Variants in RIT2 observed in about 807,000 individuals in gnomAD.
RIT2 encodes Ras like without CAAX 2.
In RIT2, 24 loss-of-function variants were observed where a neutral mutation model predicts 23.7. The observed-to-expected ratio is 1.01, with a 90% CI of 0.73 to 1.43. The LOEUF (loss-of-function observed/expected upper bound fraction) is 1.43. RIT2 is among the 40% of genes most tolerant of loss of function. The pLI is 0.00. For missense variants in RIT2, 236 were observed against 266.9 expected, an observed-to-expected ratio of 0.88 and a Z score of 0.81; for synonymous variants, 107 against 91.1, an observed-to-expected ratio of 1.17 and a Z score of -0.99.
chr18:43,094,492 T>C (rs534254282), intron 1 of RIT2, among the ~76,000 whole-genome samples: 29 of 152,082 alleles, frequency 1.9e-4, no homozygotes, highest in Admixed American at 2.6e-4. Flanking sequence ...AAAAAGACTT[T>C]CAAGGAAACA....
intron 3 of RIT2, among the ~76,000 whole-genome samples, chr18:42,950,491 T>C (rs1366796331): frequency 6.6e-6 from 1 of 152,018 alleles, no homozygotes; most frequent in Non-Finnish European, 1.5e-5. Context: ...TGGGAAAGAA[T>C]TTATGACTAA....
chr18:43,072,310 G>A (rs962970671), intron 1 of RIT2, among the ~76,000 whole-genome samples: 31 of 151,988 alleles, frequency 2.0e-4, no homozygotes, highest in African/African-American at 7.5e-4. Context: ...TTTTATTCCT[G>A]AGCAGTTCAC....
chr18:42,843,537 C>A (rs1313366059), intron 4 of RIT2, among the ~76,000 whole-genome samples: 1 of 152,158 alleles, frequency 6.6e-6, no homozygotes, highest in African/African-American at 2.4e-5. Context: ...ACACATAGAG[C>A]CACAAAAGGT....
At chr18:43,103,158 C>T (rs940337109) in intron 1 of RIT2, among the ~76,000 whole-genome samples, 2 of 152,230 alleles carry the variant, frequency 1.3e-5, no homozygotes, top group South Asian at 2.1e-4. Context: ...ACTTACATAC[C>T]TGCCACTTCT....
intron 1 of RIT2, among the ~76,000 whole-genome samples, chr18:43,109,525 TC>T (rs1913904614): frequency 6.6e-6 from 1 of 152,202 alleles, no homozygotes. Flanking sequence ...CCCATACTTT[TC>T]TTCTTCAGCA....
chr18:42,886,110 T>C (rs1366235080), intron 4 of RIT2, among the ~76,000 whole-genome samples: 2 of 152,236 alleles, frequency 1.3e-5, no homozygotes, highest in Non-Finnish European at 2.9e-5. Flanking sequence ...AGTGATAATA[T>C]TTGATTTACT....
intron 4 of RIT2, among the ~76,000 whole-genome samples, chr18:42,756,894 G>A (rs201073405): frequency 1.1e-4 from 16 of 151,186 alleles, no homozygotes; most frequent in Non-Finnish European, 1.3e-4. Flanking sequence ...GGTAAAAATA[G>A]AAAAAAAACT....
chr18:42,845,357 T>C (rs998006192), intron 4 of RIT2, among the ~76,000 whole-genome samples: 4 of 151,316 alleles, frequency 2.6e-5, no homozygotes, highest in Admixed American at 1.3e-4. Context: ...TCCAAATATA[T>C]AGATTTGAGG....
chr18:42,849,146 T>C (rs551996136), intron 4 of RIT2, among the ~76,000 whole-genome samples: 1 of 151,540 alleles, frequency 6.6e-6, no homozygotes, highest in Non-Finnish European at 1.5e-5. Flanking sequence ...AGAGCTGAGA[T>C]GTGAACCCAG....
At chr18:42,789,923 A>G (rs969229798) in intron 4 of RIT2, among the ~76,000 whole-genome samples, 4 of 152,188 alleles carry the variant, frequency 2.6e-5, no homozygotes, top group Admixed American at 6.5e-5. Flanking sequence ...AATGCTTTCA[A>G]CTTTTCCCAT....
chr18:42,783,275 C>T (rs1325463868), intron 4 of RIT2, among the ~76,000 whole-genome samples: 2 of 151,914 alleles, frequency 1.3e-5, no homozygotes, highest in Non-Finnish European at 2.9e-5. Flanking sequence ...GGAACCTAAG[C>T]TGGTCATTGA....
intron 4 of RIT2, among the ~76,000 whole-genome samples, chr18:42,772,102 G>A (rs1157634930): frequency 6.6e-6 from 1 of 151,994 alleles, no homozygotes; most frequent in Non-Finnish European, 1.5e-5. Flanking sequence ...ACAGAAGTTG[G>A]GATCTCCAGA....
At position 42,772,174 on chromosome 18, in the gene RIT2, A is replaced by C. The variant is rs376393089; in HGVS notation, c.427-28454T>G. On this transcript the variant is annotated intron_variant, in intron 4 of 4. Transcript: ENST00000326695. ...ATAATAAAGCTGGCATGAACCCCCA[A>C]GTCTTCTGACACCACATCAATGCTA... Among the ~76,000 whole-genome samples, 9 of 152,242 alleles carry C rather than the reference A, an allele frequency of 5.9e-5. No individual in the cohort carries two copies. The East Asian group carries it at 1.5e-3, about 26-fold the overall frequency.
intron 4 of RIT2, among the ~76,000 whole-genome samples, 185 bp from the exon 5 acceptor site, chr18:42,743,905 T>TTC (rs1912856797): frequency 6.6e-6 from 1 of 151,920 alleles, no homozygotes; most frequent in African/African-American, 2.4e-5. Context: ...GAAGTGAAAA[T>TTC]GCCCTGCCCC....
At chr18:42,806,925 G>T (rs966789551) in intron 4 of RIT2, among the ~76,000 whole-genome samples, 1 of 152,104 alleles carries the variant, frequency 6.6e-6, no homozygotes, top group South Asian at 2.1e-4. Context: ...TAGGCTAGCG[G>T]GTTAAAAGAA....
chr18:42,795,543 G>T (rs2143953097), intron 4 of RIT2, among the ~76,000 whole-genome samples: 1 of 152,334 alleles, frequency 6.6e-6, no homozygotes, highest in South Asian at 2.1e-4. Context: ...GTGCGCCTGA[G>T]CCTCCCGGAT....
chr18:42,991,649 C>G (rs143443142), intron 2 of RIT2, among the ~76,000 whole-genome samples: 1 of 142,164 alleles, frequency 7.0e-6, no homozygotes, highest in South Asian at 2.6e-4. Context: ...CATTCCACCA[C>G]GAAAGAAATG....
chr18:42,818,990 A>G (rs1568004205), intron 4 of RIT2, among the ~76,000 whole-genome samples: 1 of 152,080 alleles, frequency 6.6e-6, no homozygotes, highest in Non-Finnish European at 1.5e-5. Flanking sequence ...TTATAAACAT[A>G]TTGCACAGAA....
At chr18:42,879,240 T>C (rs1165263791) in intron 4 of RIT2, among the ~76,000 whole-genome samples, 1 of 152,164 alleles carries the variant, frequency 6.6e-6, no homozygotes, top group Non-Finnish European at 1.5e-5. Flanking sequence ...AATCACTTCT[T>C]GCCTGAATAT....
Sources: gnomAD v4.1 joint callset for allele counts (sites outside exome capture counted in the v4.1 genomes callset) on GRCh38, gnomAD v4.1.1 for gene constraint, MANE v1.5 for transcripts, NCBI Gene and HGNC (gene_info 2026-07-23, HGNC 2026-07-21) for gene names.